Variants in KCND3 observed in about 807,000 individuals in gnomAD.
KCND3 encodes potassium voltage-gated channel subfamily D member 3, also known as A-type voltage-gated potassium channel KCND3.
Under a neutral mutation model 51.1 loss-of-function variants are expected in KCND3, and 9 were observed. That is an observed-to-expected ratio of 0.18 (90% CI 0.11 to 0.31). The LOEUF is 0.31. Among genes scored for constraint, KCND3 ranks in the 10% least tolerant of loss-of-function variants. KCND3 has a pLI of 1.00. For synonymous variants in KCND3, 349 were observed against 368.0 expected (o/e 0.95, Z 0.59); for missense variants, 526 against 903.8 (o/e 0.58, Z 5.36).
chr1:111,890,114 TG>T (rs1381339537), intron 2 of KCND3, among the ~76,000 whole-genome samples: 1 of 152,020 alleles, frequency 6.6e-6, no homozygotes, highest in Admixed American at 6.5e-5. Context: ...CTGGATGAAA[TG>T]GGGAGGAATT....
intron 2 of KCND3, among the ~76,000 whole-genome samples, chr1:111,948,479 T>C (rs1281597251): frequency 6.6e-6 from 1 of 152,168 alleles, no homozygotes; most frequent in Non-Finnish European, 1.5e-5. Flanking sequence ...ATTTATCTCT[T>C]CCCTTCCCCA....
chr1:111,782,549 C>CA (rs148846641), intron 3 of KCND3, among the ~76,000 whole-genome samples: 2,222 of 152,296 alleles, frequency 0.015, 48 homozygotes, highest in African/African-American at 0.052. Context: ...TATTTACATT[C>CA]AAGCAAGTTC....
chr1:111,845,143 G>C (rs1208830893), intron 2 of KCND3, among the ~76,000 whole-genome samples: 1 of 152,102 alleles, frequency 6.6e-6, no homozygotes, highest in Non-Finnish European at 1.5e-5. Context: ...TAAATCCAGT[G>C]GGCGCTCTTC....
At chr1:111,929,274 C>G (rs1671848346) in intron 2 of KCND3, among the ~76,000 whole-genome samples, 1 of 152,160 alleles carries the variant, frequency 6.6e-6, no homozygotes, top group African/African-American at 2.4e-5. Context: ...GCTCAGTAAA[C>G]TATTCTCTAT....
chr1:111,810,888 T>A (rs1665817365), intron 2 of KCND3, among the ~76,000 whole-genome samples: 1 of 152,194 alleles, frequency 6.6e-6, no homozygotes, highest in Admixed American at 6.5e-5. Context: ...GTCTTTGCTG[T>A]GAGGGGCTGT....
intron 2 of KCND3, among the ~76,000 whole-genome samples, chr1:111,825,600 A>G (rs1666538409): frequency 6.6e-6 from 1 of 152,252 alleles, no homozygotes; most frequent in Admixed American, 6.5e-5. Context: ...CAATCATTGT[A>G]AGAAATCTGA....
intron 2 of KCND3, among the ~76,000 whole-genome samples, chr1:111,853,237 T>A (rs1050694204): frequency 2.0e-5 from 3 of 152,208 alleles, no homozygotes; most frequent in African/African-American, 7.2e-5. Flanking sequence ...TTGAGGCAAG[T>A]CATTTCATCT....
At chr1:111,868,385 T>C (rs1420469909) in intron 2 of KCND3, among the ~76,000 whole-genome samples, 3 of 152,138 alleles carry the variant, frequency 2.0e-5, no homozygotes, top group Non-Finnish European at 4.4e-5. Flanking sequence ...CTTATTTTAC[T>C]TAATAAAGGC....
intron 2 of KCND3, among the ~76,000 whole-genome samples, chr1:111,958,760 T>C (rs1457447726): frequency 6.6e-6 from 1 of 152,094 alleles, no homozygotes; most frequent in African/African-American, 2.4e-5. Flanking sequence ...AGCCCTTTGA[T>C]CTCCACCCCA....
intron 2 of KCND3, among the ~76,000 whole-genome samples, chr1:111,808,101 T>C (rs1485355526): frequency 6.6e-6 from 1 of 152,168 alleles, no homozygotes; most frequent in Non-Finnish European, 1.5e-5. Context: ...GCACTGTAGA[T>C]TAGAAGGAAT....
At chr1:111,895,822 T>A (rs1670083300) in intron 2 of KCND3, among the ~76,000 whole-genome samples, 1 of 152,208 alleles carries the variant, frequency 6.6e-6, no homozygotes, top group African/African-American at 2.4e-5. Context: ...AGCCGGCTGG[T>A]GTGTCCTAGC....
intron 2 of KCND3, among the ~76,000 whole-genome samples, chr1:111,903,696 G>A (rs1181199749): frequency 6.6e-6 from 1 of 152,224 alleles, no homozygotes; most frequent in African/African-American, 2.4e-5. Context: ...CTGGCTGGGA[G>A]GGGGCCTGAG....
chr1:111,959,119 T>C (rs1379084464), intron 2 of KCND3, among the ~76,000 whole-genome samples: 1 of 152,200 alleles, frequency 6.6e-6, no homozygotes, highest in African/African-American at 2.4e-5. Flanking sequence ...CTGGACTGTG[T>C]CCACTTGCTT....
intron 2 of KCND3, among the ~76,000 whole-genome samples, chr1:111,842,622 A>G (rs982638162): frequency 6.6e-6 from 1 of 152,220 alleles, no homozygotes; most frequent in Non-Finnish European, 1.5e-5. Context: ...AGCTCCACGG[A>G]GTAGCTAATT....
intron 2 of KCND3, among the ~76,000 whole-genome samples, chr1:111,806,628 G>C (rs975921437): frequency 2.6e-5 from 4 of 152,158 alleles, no homozygotes; most frequent in Admixed American, 6.5e-5. Context: ...CTTCTGCTGA[G>C]GATAATTTAA....
chr1:111,783,043 A>G (rs539768088), intron 3 of KCND3, among the ~76,000 whole-genome samples: 1 of 152,300 alleles, frequency 6.6e-6, no homozygotes, highest in Admixed American at 6.5e-5. Flanking sequence ...GGAAGGAAGA[A>G]GATCCTATGT....
At position 111,773,534 on chromosome 1, in the gene KCND3, C is replaced by G. The variant is rs1199593139; in HGVS notation, c.*2543G>C. On this transcript the variant is annotated 3_prime_UTR_variant, in exon 8 of 8. Transcript: ENST00000302127. Reference sequence around the variant, plus strand: ...CCTCCTGGGTTTAAGCAATCCTCCCCCTCAGCCTTCCAAGTAGCTGGGATT... The same window carrying G: ...CCTCCTGGGTTTAAGCAATCCTCCCGCTCAGCCTTCCAAGTAGCTGGGATT... The G allele has an allele frequency of 1.3e-5, 2 of 151,666 alleles. No individual in the cohort carries two copies. Among genetic ancestry groups the G allele is most frequent in the Non-Finnish European group, 2.9e-5 (2 of 67,974 alleles). 9.4% of individuals were successfully genotyped at this position (151,666 alleles called of 1,614,324 possible). A position where few individuals can be genotyped will look rare whatever the true frequency, so the allele number is the denominator to read the frequency against.
intron 2 of KCND3, among the ~76,000 whole-genome samples, chr1:111,890,608 G>A (rs772379556): frequency 6.6e-6 from 1 of 152,142 alleles, no homozygotes; most frequent in Non-Finnish European, 1.5e-5. Context: ...CAGAGTCTTA[G>A]CATGCAGAGT....
chr1:111,952,160 T>C (rs1166443899), intron 2 of KCND3, among the ~76,000 whole-genome samples: 1 of 152,188 alleles, frequency 6.6e-6, no homozygotes, highest in Non-Finnish European at 1.5e-5. Flanking sequence ...GGAGTCAGCC[T>C]TAGGGGGTCG....
Sources: gnomAD v4.1 joint callset for allele counts (sites outside exome capture counted in the v4.1 genomes callset) on GRCh38, gnomAD v4.1.1 for gene constraint, MANE v1.5 for transcripts, NCBI Gene and HGNC (gene_info 2026-07-23, HGNC 2026-07-21) for gene names.